Variants in ALMS1 observed in about 807,000 individuals in gnomAD.
ALMS1 encodes the protein ALMS1 centrosome and basal body associated protein.
A neutral mutation model predicts 352.2 loss-of-function variants in ALMS1; 271 were observed. The observed-to-expected ratio is 0.77, with a 90% CI of 0.70 to 0.85. The LOEUF (loss-of-function observed/expected upper bound fraction) is 0.85, where lower values mean the gene tolerates loss of function less well. ALMS1 is among the 40% of genes least tolerant of loss of function. The probability of loss-of-function intolerance (pLI) is 0.00; values close to 1 mark genes in which losing one functional copy is unlikely to be tolerated. For missense variants in ALMS1, 5,445 were observed against 4,870.7 expected (o/e 1.12, Z -3.51); for synonymous variants, 1,865 against 1,761.2 (o/e 1.06, Z -1.48).
At chr2:73,510,754 C>G (rs1314128682) in intron 10 of ALMS1, among the ~76,000 whole-genome samples, 1 of 152,208 alleles carries the variant, frequency 6.6e-6, no homozygotes, top group African/African-American at 2.4e-5. Flanking sequence ...CCTGGGAGAT[C>G]TGCTGCTCTA....
intron 15 of ALMS1, among the ~76,000 whole-genome samples, chr2:73,570,284 C>T (rs1040007407): frequency 2.0e-5 from 3 of 152,072 alleles, no homozygotes; most frequent in Non-Finnish European, 4.4e-5. Flanking sequence ...CAAGAAAAAT[C>T]GTAGCTTGAA....
rs374046216 is a variant in ALMS1, at chr2:73,451,944, A to C, written c.5417A>C (p.Tyr1806Ser). The C allele has an allele frequency of 8.1e-6, 13 of 1,613,822 alleles. No individual in the cohort carries two copies. The highest frequency in any genetic ancestry group is 1.1e-5 in the Non-Finnish European group (13 of 1,179,950). The change falls in exon 8 of 23, where the codon TAC (tyrosine) becomes TCC (serine). Residue 1806 changes from tyrosine (Y) to serine (S), a missense_variant. Physicochemically the swap from Tyr to Ser is moderately radical, Grantham distance 144. Coordinates refer to ENST00000613296, the MANE Select transcript of ALMS1 (RefSeq NM_001378454.1). ...GTATCAACAGTAACCTCTACTTCCTACTCACACAGAGAGAAGCCCATTGTT... is the reference window on the plus strand; with the variant it reads ...GTATCAACAGTAACCTCTACTTCCTCCTCACACAGAGAGAAGCCCATTGTT... ...TGVSTVTSTS[Y>S]SHREKPIVSY...
At chr2:73,590,677 C>CTTTT (rs35264211) in intron 16 of ALMS1, among the ~76,000 whole-genome samples, 13 of 108,446 alleles carry the variant, frequency 1.2e-4, no homozygotes, top group East Asian at 3.5e-4. Context: ...TGTTTTATTA[C>CTTTT]TTTTTTTTTT....
intron 9 of ALMS1, among the ~76,000 whole-genome samples, chr2:73,469,205 A>C (rs1474800533): frequency 6.6e-6 from 1 of 151,966 alleles, no homozygotes; most frequent in Admixed American, 6.6e-5. Context: ...AAAACCATGA[A>C]GTAAACTTTA....
At chr2:73,572,029 C>T (rs186612031) in intron 15 of ALMS1, among the ~76,000 whole-genome samples, 84 of 152,238 alleles carry the variant, frequency 5.5e-4, no homozygotes, top group African/African-American at 1.9e-3. Flanking sequence ...GTCACGTAGC[C>T]GGTCAGTGGC....
At chr2:73,434,592 C>T (rs926635293) in intron 7 of ALMS1, among the ~76,000 whole-genome samples, 1 of 152,166 alleles carries the variant, frequency 6.6e-6, no homozygotes, top group Non-Finnish European at 1.5e-5. Flanking sequence ...AGATGTCTTT[C>T]AGCTCTAGTG....
intron 15 of ALMS1, among the ~76,000 whole-genome samples, chr2:73,567,604 C>T (rs1002336834): frequency 2.0e-5 from 3 of 152,178 alleles, no homozygotes; most frequent in African/African-American, 7.2e-5. Context: ...TGGGCACTTA[C>T]TCTATGATAA....
chr2:73,516,365 A>G (rs1377659604), intron 10 of ALMS1, among the ~76,000 whole-genome samples: 3 of 152,212 alleles, frequency 2.0e-5, no homozygotes, highest in Non-Finnish European at 4.4e-5. Context: ...AACATAGTTC[A>G]GCCACTGGGG....
At chr2:73,420,245 A>G (rs548002080) in intron 3 of ALMS1, among the ~76,000 whole-genome samples, 1 of 152,288 alleles carries the variant, frequency 6.6e-6, no homozygotes, top group African/African-American at 2.4e-5. Flanking sequence ...GATGAAAGCT[A>G]CCTCCTCTTC....
chr2:73,497,602 AT>A (rs1392026941), intron 10 of ALMS1, among the ~76,000 whole-genome samples: 1 of 152,268 alleles, frequency 6.6e-6, no homozygotes, highest in African/African-American at 2.4e-5. Context: ...GTCTAAAAAA[AT>A]GTACCTACCT....
chr2:73,411,307 G>C (rs1432070272), intron 2 of ALMS1, among the ~76,000 whole-genome samples: 1 of 151,994 alleles, frequency 6.6e-6, no homozygotes, highest in Non-Finnish European at 1.5e-5. Flanking sequence ...GAAGTAGCAA[G>C]GAAGGACCCT....
intron 1 of ALMS1, among the ~76,000 whole-genome samples, chr2:73,397,288 T>A (rs954224196): frequency 6.6e-6 from 1 of 152,224 alleles, no homozygotes; most frequent in Non-Finnish European, 1.5e-5. Flanking sequence ...TGTGATTCTC[T>A]GTGTATGTAC....
intron 16 of ALMS1, among the ~76,000 whole-genome samples, chr2:73,578,982 T>C (rs1675111939): frequency 1.3e-5 from 2 of 152,080 alleles, no homozygotes; most frequent in Admixed American, 1.3e-4. Context: ...AGTACTCTCT[T>C]TATCATTCCT....
intron 11 of ALMS1, among the ~76,000 whole-genome samples, chr2:73,529,004 T>C (rs1673852176): frequency 6.6e-6 from 1 of 151,762 alleles, no homozygotes; most frequent in Non-Finnish European, 1.5e-5. Flanking sequence ...TCTTTCTCTG[T>C]GTCATCTTGA....
chr2:73,479,117 G>C (rs978436574), intron 9 of ALMS1, among the ~76,000 whole-genome samples: 15 of 152,048 alleles, frequency 9.9e-5, no homozygotes, highest in African/African-American at 3.6e-4. Flanking sequence ...CATTTTTAAA[G>C]TGTTAGTTTT....
intron 8 of ALMS1, among the ~76,000 whole-genome samples, chr2:73,454,759 A>C (rs1291589077): frequency 6.6e-6 from 1 of 152,192 alleles, no homozygotes; most frequent in African/African-American, 2.4e-5. Context: ...TTAACTTCCT[A>C]CGCTGTTCCC....
At chr2:73,605,947 C>T (rs1020076829) in intron 21 of ALMS1, among the ~76,000 whole-genome samples, 2 of 151,984 alleles carry the variant, frequency 1.3e-5, no homozygotes, top group African/African-American at 2.4e-5. Context: ...TAACTTCTCT[C>T]GTTTCCAAGT....
intron 6 of ALMS1, 39 bp from the exon 7 acceptor site, chr2:73,432,159 T>C (rs1480751347): frequency 2.7e-6 from 4 of 1,495,374 alleles, no homozygotes; most frequent in Non-Finnish European, 2.8e-6. Context: ...CATTAATGAG[T>C]CTTTTTCATT....
rs1574423759 is a variant in ALMS1 at position 73,385,934 on chromosome 2, G to GGAGGAGGAGGAA, written c.74_75insGGAAGAGGAGGA (p.Glu25_Glu28dup). The GGAGGAGGAGGAA allele has an allele frequency of 2.7e-6, 3 of 1,099,468 alleles. No individual in the cohort carries two copies. The East Asian group carries it at 7.7e-5, about 28-fold the overall frequency. 68.1% of individuals were successfully genotyped at this position (1,099,468 alleles called of 1,614,324 possible). On this transcript the variant is annotated inframe_insertion, in exon 1 of 23. Coordinates refer to ENST00000613296, the MANE Select transcript of ALMS1 (RefSeq NM_001378454.1). ...AGGAGGAGGAGGAGGAGGAGGAGGAGGAGGAGGAAGAGGAGGAGGCTGCAG... is the reference window on the plus strand; with the variant it reads ...AGGAGGAGGAGGAGGAGGAGGAGGAGGAGGAGGAGGAAGAGGAGGAAGAGGAGGAGGCTGCAG...
Sources: gnomAD v4.1 joint callset for allele counts (sites outside exome capture counted in the v4.1 genomes callset) on GRCh38, gnomAD v4.1.1 for gene constraint, MANE v1.5 for transcripts, NCBI Gene and HGNC (gene_info 2026-07-23, HGNC 2026-07-21) for gene names.